ERI3: variants seen among roughly 807,000 people sequenced by gnomAD.
ERI3 encodes ERI1 exoribonuclease 3.
ERI3 carries 18 observed loss-of-function variants against 44.4 expected under a neutral mutation model. The observed-to-expected ratio is 0.41, with a 90% CI of 0.28 to 0.60. The LOEUF (loss-of-function observed/expected upper bound fraction) is 0.60, where lower values mean the gene tolerates loss of function less well. Among genes scored for constraint, ERI3 ranks in the 20% least tolerant of loss-of-function variants. ERI3 has a pLI of 0.36. For synonymous variants in ERI3, 183 were observed against 164.8 expected, an observed-to-expected ratio of 1.11 and a Z score of -0.84; for missense variants, 294 against 435.5, an observed-to-expected ratio of 0.68 and a Z score of 2.89.
At position 44,228,257 on chromosome 1, in the gene ERI3, G is replaced by A. The variant is rs1037505409; in HGVS notation, c.932-6617C>T. Among the ~76,000 whole-genome samples the A allele has an allele frequency of 3.3e-5, 5 of 152,012 alleles. No homozygotes were observed. Among genetic ancestry groups the A allele is most frequent in the African/African-American group, 9.7e-5 (4 of 41,366 alleles). On this transcript the variant is annotated intron_variant, in intron 8 of 8. Transcript: ENST00000372257. This position sits in a 1 kb window ranked among gnomAD's most constrained non-coding sequence, Gnocchi z 4.3. ...TCCCCTCAGCCCCCTCCACCCCACC[G>A]AGGTGCCTGGAGGTGCCACAGGCTG...
intron 6 of ERI3, among the ~76,000 whole-genome samples, chr1:44,296,519 A>T (rs1429734451): frequency 6.6e-6 from 1 of 152,258 alleles, no homozygotes; most frequent in Non-Finnish European, 1.5e-5. Context: ...ATGGCAATTG[A>T]AGAAGAAACC....
At chr1:44,269,466 G>C (rs1264350774) in intron 7 of ERI3, among the ~76,000 whole-genome samples, 1 of 152,138 alleles carries the variant, frequency 6.6e-6, no homozygotes, top group Non-Finnish European at 1.5e-5. Flanking sequence ...ATTCCCATTT[G>C]TGGGCCCGTG....
At position 44,279,186 on chromosome 1, in the gene ERI3, A is replaced by G. The variant is rs111327364; in HGVS notation, c.831+5649T>C. On this transcript the variant is annotated intron_variant, in intron 7 of 8. Coordinates refer to ENST00000372257, the MANE Select transcript of ERI3 (RefSeq NM_024066.3). ...ACCCTCTTCTTTGGCAATCTCATCC[A>G]CTTCCATGCTTTAATTATCAATCAC... 5.3e-3 allele frequency among the ~76,000 whole-genome samples: 798 copies of G among 151,812 alleles called. 6 individuals are homozygous for G. Among genetic ancestry groups the G allele is most frequent in the African/African-American group, 0.018 (752 of 41,484 alleles).
At chr1:44,271,950 C>T (rs1467989513) in intron 7 of ERI3, among the ~76,000 whole-genome samples, 3 of 152,216 alleles carry the variant, frequency 2.0e-5, no homozygotes, top group Admixed American at 2.0e-4. Context: ...CCAATGCTCA[C>T]ATGAACTCTG....
At chr1:44,271,244 G>C (rs923087317) in intron 7 of ERI3, among the ~76,000 whole-genome samples, 2 of 152,174 alleles carry the variant, frequency 1.3e-5, no homozygotes, top group African/African-American at 4.8e-5. Flanking sequence ...CACATGGCTG[G>C]TCCACATGAG....
intron 7 of ERI3, among the ~76,000 whole-genome samples, chr1:44,257,655 T>C (rs1460800362): frequency 6.6e-6 from 1 of 152,136 alleles, no homozygotes; most frequent in Non-Finnish European, 1.5e-5. Context: ...GGCACAGGGG[T>C]GAGTTTCTCC....
At chr1:44,320,568 G>A (rs972120042) in intron 3 of ERI3, among the ~76,000 whole-genome samples, 20 of 152,206 alleles carry the variant, frequency 1.3e-4, no homozygotes, top group African/African-American at 3.9e-4. Context: ...AGTGGGGAGA[G>A]GGCAGAAGAG....
intron 6 of ERI3, among the ~76,000 whole-genome samples, chr1:44,302,089 G>T (rs1211869457): frequency 2.0e-5 from 3 of 152,198 alleles, no homozygotes; most frequent in Non-Finnish European, 4.4e-5. Context: ...TCAGAAGGCT[G>T]CCTGGCAGGC....
intron 3 of ERI3, among the ~76,000 whole-genome samples, chr1:44,324,624 G>A (rs1183544651): frequency 6.6e-6 from 1 of 151,958 alleles, no homozygotes; most frequent in African/African-American, 2.4e-5. Context: ...TGGGACTACA[G>A]GAGCCCGCCA....
At chr1:44,335,916 C>A (rs1022827387) in intron 3 of ERI3, among the ~76,000 whole-genome samples, 1 of 152,118 alleles carries the variant, frequency 6.6e-6, no homozygotes, top group East Asian at 1.9e-4. Context: ...GCAGTTCATT[C>A]TCATCCCAAA....
At chr1:44,355,263 C>T (rs1274194773), upstream of ERI3, 1 of 1,154,856 alleles carries the variant, frequency 8.7e-7, no homozygotes, top group African/African-American at 1.6e-5. Flanking sequence ...GACTCACCTC[C>T]GCGCACTCTG....
chr1:44,314,773 C>T (rs1005010053), intron 4 of ERI3, among the ~76,000 whole-genome samples: 14 of 152,216 alleles, frequency 9.2e-5, no homozygotes, highest in Non-Finnish European at 1.8e-4. Flanking sequence ...CTACTACGGG[C>T]TGGGCCGCAT....
intron 7 of ERI3, among the ~76,000 whole-genome samples, chr1:44,266,356 T>G (rs1644991123): frequency 6.6e-6 from 1 of 152,226 alleles, no homozygotes. Flanking sequence ...ATACAGGCTA[T>G]CTTGACACAG....
chr1:44,333,646 G>A (rs1468966946), intron 3 of ERI3, among the ~76,000 whole-genome samples: 3 of 152,210 alleles, frequency 2.0e-5, no homozygotes, highest in Non-Finnish European at 4.4e-5. Context: ...AGCCTCGAAC[G>A]AAGGAGAAAG....
At chr1:44,287,864 T>G (rs1213742903) in intron 6 of ERI3, among the ~76,000 whole-genome samples, 1 of 152,180 alleles carries the variant, frequency 6.6e-6, no homozygotes, top group Non-Finnish European at 1.5e-5. Flanking sequence ...CAGCAGAATC[T>G]ACAAAGGAAT....
chr1:44,228,036 A>AC lies in ERI3; in HGVS notation c.932-6397dup, dbSNP rs1394173928. 6.6e-6 allele frequency among the ~76,000 whole-genome samples: 1 copy of AC among 150,498 alleles called. No homozygotes were observed. Among genetic ancestry groups the AC allele is most frequent in the African/African-American group, 2.5e-5 (1 of 40,764 alleles). The stretch of plus-strand genomic sequence containing the variant: ...CCAACAATAAATTCCTGATATCCCC[A>AC]CCCCCCAGTTCCTTGTCTCAGACAT... On this transcript the variant is annotated intron_variant, in intron 8 of 8. Transcript: ENST00000372257. This position sits in a 1 kb window ranked among gnomAD's most constrained non-coding sequence, Gnocchi z 4.3.
intron 5 of ERI3, among the ~76,000 whole-genome samples, chr1:44,310,950 ATC>A: frequency 1.3e-5 from 1 of 74,292 alleles, no homozygotes; most frequent in Non-Finnish European, 2.7e-5. Context: ...GTATGTGCAC[ATC>A]GCGCGCGCGC....
In ERI3 at chr1:44,353,970, C is replaced by T. The variant is rs902175901; in HGVS notation, c.135+922G>A. 7 of 985,264 alleles carry T rather than the reference C, an allele frequency of 7.1e-6. No homozygotes were observed. In the African/African-American group the frequency reaches 1.2e-4, roughly 17 times the overall value. The allele number at this position is 985,264 out of a possible 1,614,324, so 61.0% of individuals were successfully genotyped here. A position where few individuals can be genotyped will look rare whatever the true frequency, so the allele number is the denominator to read the frequency against. On this transcript the variant is annotated intron_variant, in intron 1 of 8. Transcript: ENST00000372257. ...CATTAGTGGAGTCACACTCCAAGTC[C>T]CTGTTTATAAATTGGCTTTTAAATG...
intron 2 of ERI3, among the ~76,000 whole-genome samples, chr1:44,347,580 TG>T (rs148109803): frequency 9.2e-4 from 140 of 152,332 alleles, no homozygotes; most frequent in Admixed American, 3.5e-3. Context: ...TCCCCCCTTT[TG>T]GTGGCTTTCT....
Sources: allele counts gnomAD v4.1 joint callset (sites outside exome capture counted in the v4.1 genomes callset), GRCh38; gene constraint gnomAD v4.1.1; non-coding constraint Gnocchi (gnomAD v3.1); transcripts MANE v1.5; gene names NCBI Gene and HGNC (gene_info 2026-07-23, HGNC 2026-07-21).